The following SLX4IP variants were observed in gnomAD, a reference collection of about 807,000 sequenced individuals.
SLX4IP encodes the protein protein SLX4IP.
SLX4IP carries 34 observed loss-of-function variants against 32.9 expected under a neutral mutation model. The observed-to-expected ratio is 1.03, with a 90% CI of 0.79 to 1.38. The LOEUF is 1.38. Ranked by LOEUF, SLX4IP falls within the 40% of genes most tolerant of loss-of-function variation. The probability of loss-of-function intolerance (pLI) is 0.00; values close to 1 mark genes in which losing one functional copy is unlikely to be tolerated. For synonymous variants in SLX4IP, 172 were observed against 171.7 expected (o/e 1.00, Z -0.01); for missense variants, 444 against 479.0 (o/e 0.93, Z 0.68).
intron 2 of SLX4IP, among the ~76,000 whole-genome samples, chr20:10,502,007 T>C (rs1203987162): frequency 6.6e-6 from 1 of 152,332 alleles, no homozygotes; most frequent in Non-Finnish European, 1.5e-5. Context: ...TTGCATTTAG[T>C]TTCAATAAGC....
chr20:10,523,924 T>TA (rs2065920338), intron 2 of SLX4IP, among the ~76,000 whole-genome samples: 1 of 152,268 alleles, frequency 6.6e-6, no homozygotes, highest in African/African-American at 2.4e-5. Context: ...GTATCATTTT[T>TA]AAAAAATGAA....
At chr20:10,511,065 G>C (rs1009424788) in intron 2 of SLX4IP, among the ~76,000 whole-genome samples, 18 of 152,220 alleles carry the variant, frequency 1.2e-4, no homozygotes, top group Non-Finnish European at 2.6e-4. Flanking sequence ...TTGGTGCCGT[G>C]TTCTTGTCCC....
intron 2 of SLX4IP, among the ~76,000 whole-genome samples, chr20:10,516,684 T>G (rs866743808): frequency 6.6e-6 from 1 of 152,174 alleles, no homozygotes; most frequent in African/African-American, 2.4e-5. Flanking sequence ...GATAGAAATA[T>G]CAAGTAATAA....
chr20:10,484,211 G>T lies in SLX4IP; in HGVS notation c.27+25980G>T, dbSNP rs530552906. Among the ~76,000 whole-genome samples, 12 of 152,100 alleles carry T rather than the reference G, an allele frequency of 7.9e-5. No individual in the cohort carries two copies. In the South Asian group the frequency reaches 2.5e-3, roughly 32 times the overall value. Reference sequence around the variant, plus strand: ...ATGAACCTAAGATAAGTAAGGGAAAGATATTTTTCCTCCCCTACAATGAGA... The same window carrying T: ...ATGAACCTAAGATAAGTAAGGGAAATATATTTTTCCTCCCCTACAATGAGA... On this transcript the variant is annotated intron_variant, in intron 2 of 7. Coordinates refer to ENST00000334534, the MANE Select transcript of SLX4IP (RefSeq NM_001009608.3).
Position 10,458,158 on chromosome 20 carries a change from CT to C in SLX4IP, c.-29-8del, listed in dbSNP as rs755267647. On this transcript the variant is annotated splice_polypyrimidine_tract_variant and intron_variant, in intron 1 of 7. Coordinates refer to ENST00000334534, the MANE Select transcript of SLX4IP (RefSeq NM_001009608.3). Reference sequence around the variant, plus strand: ...GAAATTTTAATATACCTAATTGTAACTTTTTTTTTTCTTAAAGGTCTGTAGT... The same window carrying C: ...GAAATTTTAATATACCTAATTGTAACTTTTTTTTTCTTAAAGGTCTGTAGT... 1,123 of 1,291,476 alleles carry C rather than the reference CT, an allele frequency of 8.7e-4. No individual in the cohort carries two copies. Among genetic ancestry groups the C allele is most frequent in the South Asian group, 1.5e-3 (102 of 66,514 alleles). The allele number at this position is 1,291,476 out of a possible 1,614,324, so 80.0% of individuals were successfully genotyped here. A position where few individuals can be genotyped will look rare whatever the true frequency, so the allele number is the denominator to read the frequency against.
At chr20:10,597,719 A>T (rs76082149) in intron 4 of SLX4IP, among the ~76,000 whole-genome samples, 2,442 of 152,304 alleles carry the variant, frequency 0.016, 70 homozygotes, top group African/African-American at 0.055. Flanking sequence ...GAAGAGTGCT[A>T]TTGTGAACAC....
chr20:10,572,527 A>G (rs1241103297), intron 4 of SLX4IP, among the ~76,000 whole-genome samples: 1 of 152,138 alleles, frequency 6.6e-6, no homozygotes, highest in Non-Finnish European at 1.5e-5. Context: ...GCCTCAATGC[A>G]TTTTGTCTAA....
At chr20:10,539,826 A>G (rs2066083314) in intron 2 of SLX4IP, among the ~76,000 whole-genome samples, 1 of 152,074 alleles carries the variant, frequency 6.6e-6, no homozygotes, top group South Asian at 2.1e-4. Flanking sequence ...GTCTGATTTG[A>G]TTTCATTGGC....
chr20:10,494,962 A>G (rs1292897687), intron 2 of SLX4IP, among the ~76,000 whole-genome samples: 1 of 152,162 alleles, frequency 6.6e-6, no homozygotes, highest in East Asian at 1.9e-4. Flanking sequence ...ATATTTCAAA[A>G]TTGTGAAGAC....
intron 1 of SLX4IP, among the ~76,000 whole-genome samples, chr20:10,441,531 A>C (rs11905121): frequency 0.014 from 2,200 of 152,254 alleles, 50 homozygotes; most frequent in African/African-American, 0.048. Flanking sequence ...GCACAGCAGG[A>C]AGGGGAGGCT....
At chr20:10,506,207 T>TA (rs1479927362) in intron 2 of SLX4IP, among the ~76,000 whole-genome samples, 2 of 152,232 alleles carry the variant, frequency 1.3e-5, no homozygotes, top group African/African-American at 4.8e-5. Flanking sequence ...AGGCAGCAAT[T>TA]AGAGTCTGTA....
chr20:10,473,295 G>C (rs942761963), intron 2 of SLX4IP, among the ~76,000 whole-genome samples: 21 of 152,186 alleles, frequency 1.4e-4, no homozygotes, highest in African/African-American at 4.8e-5. Flanking sequence ...GGCAGTAGGA[G>C]AAAAGAAAAT....
At chr20:10,442,770 A>G (rs1482059122) in intron 1 of SLX4IP, among the ~76,000 whole-genome samples, 1 of 152,236 alleles carries the variant, frequency 6.6e-6, no homozygotes, top group Non-Finnish European at 1.5e-5. Flanking sequence ...TAATCATTGA[A>G]GATGCATTGT....
intron 2 of SLX4IP, among the ~76,000 whole-genome samples, chr20:10,533,229 G>C (rs764287585): frequency 2.0e-5 from 3 of 152,288 alleles, no homozygotes; most frequent in Non-Finnish European, 4.4e-5. Context: ...CTGGTGGGAA[G>C]AAGGTTGTTC....
intron 2 of SLX4IP, among the ~76,000 whole-genome samples, chr20:10,551,917 T>C (rs1223496506): frequency 6.6e-6 from 1 of 152,112 alleles, no homozygotes; most frequent in African/African-American, 2.4e-5. Flanking sequence ...TTCCCAGATA[T>C]GCATTGAGGG....
chr20:10,472,160 T>G (rs544047218), intron 2 of SLX4IP, among the ~76,000 whole-genome samples: 2 of 152,310 alleles, frequency 1.3e-5, no homozygotes, highest in African/African-American at 4.8e-5. Context: ...TATAGTTTTC[T>G]TATCTATTAA....
At chr20:10,449,952 T>TAA (rs55747326) in intron 1 of SLX4IP, among the ~76,000 whole-genome samples, 1 of 147,100 alleles carries the variant, frequency 6.8e-6, no homozygotes, top group Admixed American at 6.8e-5. Context: ...TTGATAAAAG[T>TAA]AAAAAAAAAA....
intron 2 of SLX4IP, among the ~76,000 whole-genome samples, chr20:10,512,776 C>CTATATA (rs769874841): frequency 2.6e-4 from 30 of 114,682 alleles, no homozygotes; most frequent in South Asian, 7.0e-4. Flanking sequence ...CACACACACA[C>CTATATA]TCTATATATA....
intron 6 of SLX4IP, among the ~76,000 whole-genome samples, chr20:10,604,529 T>C (rs182229723): frequency 6.6e-6 from 1 of 152,372 alleles, no homozygotes; most frequent in Non-Finnish European, 1.5e-5. Flanking sequence ...AGCTCCCCAG[T>C]ACTTAAAGGT....
Sources: allele counts gnomAD v4.1 joint callset (sites outside exome capture counted in the v4.1 genomes callset), GRCh38; gene constraint gnomAD v4.1.1; transcripts MANE v1.5; gene names NCBI Gene and HGNC (gene_info 2026-07-23, HGNC 2026-07-21).